Variants in MDGA2 observed in about 807,000 individuals in gnomAD.
MDGA2 encodes the protein MAM domain containing glycosylphosphatidylinositol anchor 2.
In MDGA2, 40 loss-of-function variants were observed where a neutral mutation model predicts 117.8. The ratio of observed to expected loss-of-function variants is 0.34; its 90% CI spans 0.26 to 0.44. The LOEUF (loss-of-function observed/expected upper bound fraction) is 0.44. Among genes scored for constraint, MDGA2 ranks in the 20% least tolerant of loss-of-function variants. MDGA2 has a pLI of 1.00. For synonymous variants in MDGA2, 452 were observed against 439.0 expected, an observed-to-expected ratio of 1.03 and a Z score of -0.37; for missense variants, 1,123 against 1,250.6, an observed-to-expected ratio of 0.90 and a Z score of 1.54.
intron 3 of MDGA2, among the ~76,000 whole-genome samples, chr14:47,175,026 C>T (rs555561082): frequency 3.4e-4 from 51 of 152,030 alleles, no homozygotes; most frequent in African/African-American, 8.4e-4. Flanking sequence ...AACACCTCTA[C>T]GCAAATAAAC....
chr14:47,212,522 A>G (rs2139486102), intron 3 of MDGA2, among the ~76,000 whole-genome samples: 1 of 152,248 alleles, frequency 6.6e-6, no homozygotes, highest in Non-Finnish European at 1.5e-5. Flanking sequence ...AACCTTTTCT[A>G]ATGCATCTCC....
At chr14:47,135,953 G>A (rs574861664) in intron 4 of MDGA2, among the ~76,000 whole-genome samples, 241 of 152,152 alleles carry the variant, frequency 1.6e-3, no homozygotes, top group Non-Finnish European at 2.8e-3. Context: ...TCAAAGCTTG[G>A]AAAAGGTCAT....
chr14:47,574,705 A>G lies in MDGA2; in HGVS notation c.280+99812T>C, dbSNP rs576736736. 3.9e-5 allele frequency among the ~76,000 whole-genome samples: 6 copies of G among 152,320 alleles called. No homozygotes were observed. In the South Asian group the frequency reaches 1.2e-3, roughly 32 times the overall value. ...TTATTATGAATGAGAAAAACTTCTT[A>G]ATACTTTACATATACTAATTATTTA... On this transcript the variant is annotated intron_variant, in intron 1 of 16. Transcript: ENST00000399232.
chr14:47,328,573 G>C (rs1314861219), intron 1 of MDGA2, among the ~76,000 whole-genome samples: 1 of 152,128 alleles, frequency 6.6e-6, no homozygotes, highest in Non-Finnish European at 1.5e-5. Flanking sequence ...TGTACTCTTG[G>C]AACTAATTGG....
At chr14:47,019,613 G>T (rs1429937182) in intron 8 of MDGA2, among the ~76,000 whole-genome samples, 1 of 152,142 alleles carries the variant, frequency 6.6e-6, no homozygotes, top group East Asian at 1.9e-4. Context: ...GAAGGCCGAG[G>T]CGGGCGGATC....
chr14:47,456,753 G>A (rs1380016449), intron 1 of MDGA2, among the ~76,000 whole-genome samples: 2 of 152,120 alleles, frequency 1.3e-5, no homozygotes, highest in African/African-American at 2.4e-5. Context: ...AAAGAAATAC[G>A]ATGTTTGAAA....
In MDGA2 at chr14:46,958,361, G is replaced by A. The variant is rs985590004; in HGVS notation, c.1820-718C>T. Among the ~76,000 whole-genome samples the A allele has an allele frequency of 2.0e-4, 31 of 152,060 alleles. 1 individual carries two copies. Among genetic ancestry groups the A allele is most frequent in the Admixed American group, 2.0e-3 (30 of 15,258 alleles). On this transcript the variant is annotated intron_variant, in intron 8 of 16. Coordinates refer to ENST00000399232, the MANE Select transcript of MDGA2 (RefSeq NM_001113498.3). Reference sequence around the variant, plus strand: ...TGATGCACAAAAGAAGACCATAAGCGCTTGGGGGGAAATAAAGATGAAAAG... The same window carrying A: ...TGATGCACAAAAGAAGACCATAAGCACTTGGGGGGAAATAAAGATGAAAAG...
At chr14:47,549,015 A>G (rs1331329391) in intron 1 of MDGA2, among the ~76,000 whole-genome samples, 1 of 152,122 alleles carries the variant, frequency 6.6e-6, no homozygotes, top group Non-Finnish European at 1.5e-5. Context: ...AAAACATAGA[A>G]CTTGTGAATG....
At chr14:47,286,474 T>C (rs139399490) in intron 2 of MDGA2, among the ~76,000 whole-genome samples, 59 of 152,172 alleles carry the variant, frequency 3.9e-4, no homozygotes, top group African/African-American at 1.3e-3. Context: ...AGTGAGAACA[T>C]GTAACATCTG....
intron 6 of MDGA2, among the ~76,000 whole-genome samples, chr14:47,072,765 C>T (rs1025849069): frequency 6.6e-6 from 1 of 152,106 alleles, no homozygotes; most frequent in African/African-American, 2.4e-5. Context: ...AAAGTTTATG[C>T]TGCCATCCTT....
chr14:47,105,787 A>G (rs1594626476), intron 5 of MDGA2, among the ~76,000 whole-genome samples: 2 of 151,626 alleles, frequency 1.3e-5, no homozygotes, highest in South Asian at 2.1e-4. Context: ...AACCCCAAGC[A>G]TCGCTGAGTC....
intron 9 of MDGA2, among the ~76,000 whole-genome samples, chr14:46,949,029 A>G (rs1885274089): frequency 6.6e-6 from 1 of 152,048 alleles, no homozygotes; most frequent in African/African-American, 2.4e-5. Flanking sequence ...TTATTTTTCT[A>G]TGATCATACT....
At chr14:47,619,242 T>G (rs973443628) in intron 1 of MDGA2, among the ~76,000 whole-genome samples, 1 of 152,074 alleles carries the variant, frequency 6.6e-6, no homozygotes, top group Non-Finnish European at 1.5e-5. Flanking sequence ...TAGACAATCA[T>G]AAATAGTAAC....
intron 1 of MDGA2, among the ~76,000 whole-genome samples, chr14:47,334,488 G>A (rs917568026): frequency 6.6e-6 from 1 of 151,762 alleles, no homozygotes; most frequent in Non-Finnish European, 1.5e-5. Context: ...CAGTTGTAAC[G>A]GGATTATAAT....
At chr14:46,864,004 C>T (rs1881617799) in intron 14 of MDGA2, among the ~76,000 whole-genome samples, 1 of 151,930 alleles carries the variant, frequency 6.6e-6, no homozygotes, top group Non-Finnish European at 1.5e-5. Context: ...CATGCTGGTG[C>T]GCTGCACCCA....
chr14:47,463,941 T>C (rs918647378), intron 1 of MDGA2, among the ~76,000 whole-genome samples: 3 of 152,154 alleles, frequency 2.0e-5, no homozygotes, highest in African/African-American at 7.2e-5. Flanking sequence ...CATCACAGTA[T>C]AATTAATGGC....
intron 1 of MDGA2, among the ~76,000 whole-genome samples, chr14:47,656,741 T>C (rs2138281813): frequency 1.3e-5 from 2 of 152,304 alleles, no homozygotes; most frequent in African/African-American, 4.8e-5. Flanking sequence ...AAAAGAGGCA[T>C]GTGGCAGATT....
At chr14:47,541,294 T>C (rs1456281585) in intron 1 of MDGA2, among the ~76,000 whole-genome samples, 1 of 152,226 alleles carries the variant, frequency 6.6e-6, no homozygotes, top group Non-Finnish European at 1.5e-5. Context: ...TAGGCACTAA[T>C]TCAATTTGAG....
At chr14:47,241,938 A>G (rs17652760) in intron 2 of MDGA2, among the ~76,000 whole-genome samples, 19,129 of 151,826 alleles carry the variant, frequency 0.13, 1,732 homozygotes, top group South Asian at 0.26. Context: ...TCATTTCCAC[A>G]TCAGTAAAAT....
Sources: gnomAD v4.1 joint callset for allele counts (sites outside exome capture counted in the v4.1 genomes callset) on GRCh38, gnomAD v4.1.1 for gene constraint, MANE v1.5 for transcripts, NCBI Gene and HGNC (gene_info 2026-07-23, HGNC 2026-07-21) for gene names.